The following ARHGEF7 variants were observed in gnomAD, a reference collection of about 807,000 sequenced individuals.
ARHGEF7 encodes the protein Rho guanine nucleotide exchange factor 7, also known as PAK-interacting exchange factor beta.
A neutral mutation model predicts 109.8 loss-of-function variants in ARHGEF7; 33 were observed. That is an observed-to-expected ratio of 0.30 (90% CI 0.23 to 0.40). The LOEUF (loss-of-function observed/expected upper bound fraction) is 0.40, where lower values mean the gene tolerates loss of function less well. ARHGEF7 is among the 10% of genes least tolerant of loss of function. The probability of loss-of-function intolerance (pLI) is 1.00; values close to 1 mark genes in which losing one functional copy is unlikely to be tolerated. For missense variants in ARHGEF7, 938 were observed against 1,098.5 expected, an observed-to-expected ratio of 0.85 and a Z score of 2.07; for synonymous variants, 458 against 424.6, an observed-to-expected ratio of 1.08 and a Z score of -0.97.
intron 5 of ARHGEF7, among the ~76,000 whole-genome samples, chr13:111,220,087 C>T (rs977872648): frequency 3.3e-5 from 5 of 152,178 alleles, no homozygotes; most frequent in South Asian, 4.1e-4. Context: ...AGGGCAGGCC[C>T]GGTCCATCCT....
At chr13:111,178,795 G>A (rs757751637) in intron 2 of ARHGEF7, among the ~76,000 whole-genome samples, 1 of 152,236 alleles carries the variant, frequency 6.6e-6, no homozygotes, top group Non-Finnish European at 1.5e-5. Flanking sequence ...GAAGATTAGT[G>A]TGGCAGTGAC....
At chr13:111,243,724 A>G in intron 6 of ARHGEF7, 148 bp from the exon 7 acceptor site, 2 of 593,612 alleles carry the variant, frequency 3.4e-6, no homozygotes, top group Non-Finnish European at 6.0e-6. Flanking sequence ...AATAATTGCA[A>G]AGAATGATGA....
intron 19 of ARHGEF7, chr13:111,295,179 T>C: frequency 1.0e-6 from 1 of 985,810 alleles, no homozygotes; most frequent in Non-Finnish European, 1.2e-6. Flanking sequence ...TTGAAATAAA[T>C]TTTGCATTTG....
intron 8 of ARHGEF7, among the ~76,000 whole-genome samples, chr13:111,262,619 C>T (rs2091224907): frequency 6.6e-6 from 1 of 152,184 alleles, no homozygotes; most frequent in Non-Finnish European, 1.5e-5. Context: ...AACTGAGAAC[C>T]ATTCCTCTGT....
intron 3 of ARHGEF7, among the ~76,000 whole-genome samples, chr13:111,209,514 G>A (rs1461618104): frequency 6.6e-6 from 1 of 152,188 alleles, no homozygotes; most frequent in South Asian, 2.1e-4. Flanking sequence ...TGATGCTTTG[G>A]AGAATCAGTA....
intron 5 of ARHGEF7, among the ~76,000 whole-genome samples, chr13:111,231,892 C>T: frequency 6.6e-6 from 1 of 152,096 alleles, no homozygotes; most frequent in Non-Finnish European, 1.5e-5. Context: ...CTAGGAAATG[C>T]TCATCAGAAT....
intron 2 of ARHGEF7, among the ~76,000 whole-genome samples, chr13:111,195,719 A>G (rs2080420361): frequency 1.3e-5 from 2 of 152,190 alleles, no homozygotes; most frequent in South Asian, 4.2e-4. Context: ...CATAGCGGAC[A>G]TGGATGAGGG....
chr13:111,178,958 G>A (rs1036428535), intron 2 of ARHGEF7, among the ~76,000 whole-genome samples: 3 of 152,034 alleles, frequency 2.0e-5, no homozygotes, highest in African/African-American at 7.2e-5. Context: ...TTAATGTGCC[G>A]TCCCCCCCCT....
intron 2 of ARHGEF7, among the ~76,000 whole-genome samples, chr13:111,199,616 G>C (rs944807745): frequency 9.9e-5 from 15 of 152,256 alleles, no homozygotes; most frequent in African/African-American, 3.6e-4. Flanking sequence ...TAGTTCAGGA[G>C]GTAAACTTAA....
intron 6 of ARHGEF7, chr13:111,241,457 A>G: frequency 9.9e-7 from 1 of 1,010,302 alleles, no homozygotes; most frequent in East Asian, 2.6e-5. Context: ...AGGAAAAGTT[A>G]AGTGTAACTT....
chr13:111,152,845 G>T (rs1348203436), intron 1 of ARHGEF7, among the ~76,000 whole-genome samples: 1 of 152,202 alleles, frequency 6.6e-6, no homozygotes, highest in Non-Finnish European at 1.5e-5. Context: ...AAATTTTCTA[G>T]TAATTGGTAC....
chr13:111,284,375 C>G (rs1567080825), intron 16 of ARHGEF7, among the ~76,000 whole-genome samples: 1 of 152,102 alleles, frequency 6.6e-6, no homozygotes, highest in Non-Finnish European at 1.5e-5. Flanking sequence ...ATTTTTTGTT[C>G]TGAGTCTTTG....
At chr13:111,200,545 C>G (rs1319977629) in intron 2 of ARHGEF7, among the ~76,000 whole-genome samples, 1 of 151,936 alleles carries the variant, frequency 6.6e-6, no homozygotes, top group Non-Finnish European at 1.5e-5. Flanking sequence ...CAGCTTCTCT[C>G]CCTTCCCAGG....
chr13:111,253,350 C>G (rs1441392650), intron 8 of ARHGEF7, among the ~76,000 whole-genome samples: 1 of 152,106 alleles, frequency 6.6e-6, no homozygotes, highest in Non-Finnish European at 1.5e-5. Flanking sequence ...TAAAATAAAA[C>G]TGATAAGTTG....
chr13:111,116,121 G>C (rs1213165699), intron 1 of ARHGEF7, among the ~76,000 whole-genome samples: 1 of 151,892 alleles, frequency 6.6e-6, no homozygotes, highest in South Asian at 2.1e-4. Flanking sequence ...GGCGTTGCGT[G>C]AGTTTCGCCT....
intron 2 of ARHGEF7, among the ~76,000 whole-genome samples, chr13:111,159,430 T>G (rs1486098288): frequency 2.6e-5 from 4 of 152,236 alleles, no homozygotes; most frequent in Admixed American, 6.5e-5. Context: ...CATATGATAA[T>G]TCTGTTTTTA....
intron 1 of ARHGEF7, among the ~76,000 whole-genome samples, chr13:111,136,888 C>T (rs563845947): frequency 3.3e-5 from 5 of 152,050 alleles, no homozygotes; most frequent in African/African-American, 4.8e-5. Context: ...ATCAAGTGGA[C>T]GCAATAAAAA....
In ARHGEF7 at chr13:111,237,300, TA is replaced by T. The variant is rs2086967099; in HGVS notation, c.759+4013del. Among the ~76,000 whole-genome samples, 3 of 152,192 alleles carry T rather than the reference TA, an allele frequency of 2.0e-5. No homozygotes were observed. The South Asian group carries it at 6.2e-4, about 32-fold the overall frequency. ...CAAATGGGAAAGGTTGTGAACAATT[TA>T]AAAAATGGTAAACACTAAGGCTTTG... On this transcript the variant is annotated intron_variant, in intron 6 of 21. Transcript: ENST00000646102.
At chr13:111,247,051 A>G (rs2088976969) in intron 8 of ARHGEF7, among the ~76,000 whole-genome samples, 1 of 152,186 alleles carries the variant, frequency 6.6e-6, no homozygotes. Context: ...CTCAAATTTT[A>G]TGCTACATGT....
Sources: allele counts gnomAD v4.1 joint callset (sites outside exome capture counted in the v4.1 genomes callset), GRCh38; gene constraint gnomAD v4.1.1; transcripts MANE v1.5; gene names NCBI Gene and HGNC (gene_info 2026-07-23, HGNC 2026-07-21).